The following SCAPER variants were observed in gnomAD, a reference collection of about 807,000 sequenced individuals.
The protein encoded by SCAPER is S-phase cyclin A associated protein in the ER.
Under a neutral mutation model 182.2 loss-of-function variants are expected in SCAPER, and 98 were observed. The observed-to-expected ratio is 0.54, with a 90% CI of 0.46 to 0.64. SCAPER has a LOEUF of 0.64. Ranked by LOEUF, SCAPER falls within the 30% of genes least tolerant of loss-of-function variation. The pLI is 0.00. For missense variants in SCAPER, 1,432 were observed against 1,690.0 expected (o/e 0.85, Z 2.68); for synonymous variants, 605 against 564.6 (o/e 1.07, Z -1.01).
At chr15:76,683,778 TAAAG>T (rs1043157089) in intron 20 of SCAPER, among the ~76,000 whole-genome samples, 3 of 151,822 alleles carry the variant, frequency 2.0e-5, no homozygotes, top group African/African-American at 7.3e-5. Flanking sequence ...TCAGCATTCT[TAAAG>T]AAAAAGAAAT....
chr15:76,665,600 A>T, intron 21 of SCAPER, 53 bp downstream of exon 21: 2 of 1,517,076 alleles, frequency 1.3e-6, no homozygotes, highest in Non-Finnish European at 1.8e-6. Flanking sequence ...GATTTACATT[A>T]AAAGATACAT....
chr15:76,902,668 A>G (rs935545386), intron 1 of SCAPER, among the ~76,000 whole-genome samples: 4 of 152,176 alleles, frequency 2.6e-5, no homozygotes, highest in Non-Finnish European at 5.9e-5. Context: ...CCCCTAAATA[A>G]TACCCCCACT....
chr15:76,580,784 A>C (rs2048214532), intron 22 of SCAPER, among the ~76,000 whole-genome samples: 1 of 152,084 alleles, frequency 6.6e-6, no homozygotes, highest in Non-Finnish European at 1.5e-5. Flanking sequence ...CCAAACCCCA[A>C]ATTAGAAGAA....
At chr15:76,513,503 C>T (rs1017395345) in intron 23 of SCAPER, among the ~76,000 whole-genome samples, 2 of 152,140 alleles carry the variant, frequency 1.3e-5, no homozygotes, top group Admixed American at 6.6e-5. Context: ...AAGCATGTGG[C>T]GTTAAATACC....
chr15:76,532,781 T>A (rs1014124006), intron 23 of SCAPER, among the ~76,000 whole-genome samples: 1 of 152,040 alleles, frequency 6.6e-6, no homozygotes, highest in Non-Finnish European at 1.5e-5. Flanking sequence ...ATAGAAAAGA[T>A]GGATGGTGCA....
At chr15:76,630,395 T>C (rs2052997598) in intron 21 of SCAPER, among the ~76,000 whole-genome samples, 1 of 152,178 alleles carries the variant, frequency 6.6e-6, no homozygotes, top group South Asian at 2.1e-4. Flanking sequence ...AATGTTAAGG[T>C]GCTGATTTGA....
chr15:76,844,639 C>A (rs566831128), intron 4 of SCAPER, among the ~76,000 whole-genome samples: 1 of 152,100 alleles, frequency 6.6e-6, no homozygotes, highest in Non-Finnish European at 1.5e-5. Flanking sequence ...TTCCAAGACA[C>A]ATACCACCTA....
chr15:76,663,718 C>T (rs2056365194), intron 21 of SCAPER, among the ~76,000 whole-genome samples: 1 of 152,126 alleles, frequency 6.6e-6, no homozygotes, highest in African/African-American at 2.4e-5. Context: ...GGGAGACTGA[C>T]TGCAAAGAGG....
At chr15:76,500,826 G>C (rs1458994716) in intron 24 of SCAPER, among the ~76,000 whole-genome samples, 1 of 151,996 alleles carries the variant, frequency 6.6e-6, no homozygotes, top group Non-Finnish European at 1.5e-5. Context: ...GATCATTTGA[G>C]GTCAGGAGTT....
intron 23 of SCAPER, among the ~76,000 whole-genome samples, chr15:76,536,053 T>C (rs1232622765): frequency 6.6e-6 from 1 of 152,224 alleles, no homozygotes; most frequent in Non-Finnish European, 1.5e-5. Context: ...ATTCTGAAAG[T>C]ATATGTCTTG....
At chr15:76,553,984 C>T (rs569246759) in intron 23 of SCAPER, among the ~76,000 whole-genome samples, 22 of 152,130 alleles carry the variant, frequency 1.4e-4, no homozygotes, top group African/African-American at 4.8e-4. Flanking sequence ...CAGGCTCAAA[C>T]GGCTGAAATG....
chr15:76,729,198 T>C (rs2060763940), intron 16 of SCAPER, among the ~76,000 whole-genome samples: 3 of 151,992 alleles, frequency 2.0e-5, no homozygotes, highest in South Asian at 2.1e-4. Flanking sequence ...GTAGACACTC[T>C]GTTGTGGGAC....
At chr15:76,649,204 G>A (rs1360620068) in intron 21 of SCAPER, among the ~76,000 whole-genome samples, 1 of 152,120 alleles carries the variant, frequency 6.6e-6, no homozygotes, top group African/African-American at 2.4e-5. Context: ...CTTGGCATGA[G>A]GCAACAAGCC....
At chr15:76,440,206 T>C (rs192641843) in intron 25 of SCAPER, among the ~76,000 whole-genome samples, 1 of 152,342 alleles carries the variant, frequency 6.6e-6, no homozygotes, top group African/African-American at 2.4e-5. Flanking sequence ...CTGGAATAGA[T>C]ACTGGTGCCG....
chr15:76,575,637 G>A (rs537181587), intron 22 of SCAPER, among the ~76,000 whole-genome samples: 1 of 152,150 alleles, frequency 6.6e-6, no homozygotes, highest in Non-Finnish European at 1.5e-5. Flanking sequence ...TTTCTGCAAT[G>A]TTCTTCATCT....
chr15:76,555,973 A>G (rs2046164411), intron 23 of SCAPER, among the ~76,000 whole-genome samples: 1 of 152,170 alleles, frequency 6.6e-6, no homozygotes, highest in Non-Finnish European at 1.5e-5. Context: ...AACTGACCAC[A>G]CAATCAGCCA....
intron 29 of SCAPER, among the ~76,000 whole-genome samples, chr15:76,358,262 C>T (rs2041143531): frequency 6.6e-6 from 1 of 152,236 alleles, no homozygotes; most frequent in East Asian, 1.9e-4. Context: ...CCTGATCATT[C>T]TCTGGAGACA....
chr15:76,838,319 GCT>G, intron 5 of SCAPER, among the ~76,000 whole-genome samples: 1 of 152,198 alleles, frequency 6.6e-6, no homozygotes, highest in African/African-American at 2.4e-5. Context: ...CAAGTACCAA[GCT>G]CTCTCTTATA....
intron 20 of SCAPER, among the ~76,000 whole-genome samples, chr15:76,686,469 T>C (rs551908055): frequency 1.4e-4 from 21 of 152,168 alleles, no homozygotes; most frequent in African/African-American, 3.9e-4. Context: ...AGAGTGCAAA[T>C]TGGTGCAACC....
Sources: gnomAD v4.1 joint callset for allele counts (sites outside exome capture counted in the v4.1 genomes callset) on GRCh38, gnomAD v4.1.1 for gene constraint, MANE v1.5 for transcripts, NCBI Gene and HGNC (gene_info 2026-07-23, HGNC 2026-07-21) for gene names.